ACTN4: variants seen among roughly 807,000 people sequenced by gnomAD.
ACTN4 encodes alpha-actinin-4.
Under a neutral mutation model 114.2 loss-of-function variants are expected in ACTN4, and 18 were observed. The ratio of observed to expected loss-of-function variants is 0.16; its 90% CI spans 0.11 to 0.23. ACTN4 has a LOEUF of 0.23. Ranked by LOEUF, ACTN4 falls within the 10% of genes least tolerant of loss-of-function variation. ACTN4 has a pLI of 1.00. For synonymous variants in ACTN4, 515 were observed against 506.3 expected, an observed-to-expected ratio of 1.02 and a Z score of -0.23; for missense variants, 722 against 1,262.9, an observed-to-expected ratio of 0.57 and a Z score of 6.49.
At chr19:38,713,213 G>A (rs547489227) in intron 8 of ACTN4, among the ~76,000 whole-genome samples, 59 of 152,308 alleles carry the variant, frequency 3.9e-4, no homozygotes, top group African/African-American at 1.2e-3. Flanking sequence ...AAGCGTTCCC[G>A]CCTCGTTCCT....
rs752990623 is a variant in ACTN4 at position 38,704,944 on chromosome 19, C to T, written c.408C>T (p.Asp136=). The change falls in exon 4 of 21, where the codon GAC becomes GAT. Residue 136 remains aspartate (D), a synonymous_variant. Coordinates refer to ENST00000252699, the MANE Select transcript of ACTN4 (RefSeq NM_004924.6). ...CTTCCCTGTGTGCAGAGATTGTGGACGGCAACGCAAAGATGACCCTGGGAA... is the reference window on the plus strand; with the variant it reads ...CTTCCCTGTGTGCAGAGATTGTGGATGGCAACGCAAAGATGACCCTGGGAA... The part of the protein sequence containing the change: ...LVSIGAEEIV[D]GNAKMTLGMI... The T allele has an allele frequency of 1.1e-5, 18 of 1,614,018 alleles. No individual in the cohort carries two copies. Among genetic ancestry groups the T allele is most frequent in the Non-Finnish European group, 1.4e-5 (17 of 1,179,986 alleles).
At chr19:38,689,493 G>T (rs986866117) in intron 1 of ACTN4, among the ~76,000 whole-genome samples, 10 of 152,042 alleles carry the variant, frequency 6.6e-5, no homozygotes, top group South Asian at 2.1e-4. Context: ...TGTATTTTTG[G>T]TTTTTTGTTT....
At chr19:38,700,244 C>T (rs906141866) in intron 1 of ACTN4, among the ~76,000 whole-genome samples, 3 of 152,072 alleles carry the variant, frequency 2.0e-5, no homozygotes, top group Admixed American at 6.6e-5. Flanking sequence ...CGGGCTGAGG[C>T]GCTTTTGTCT....
intron 1 of ACTN4, among the ~76,000 whole-genome samples, chr19:38,693,821 C>G (rs146531999): frequency 5.6e-4 from 85 of 152,304 alleles, no homozygotes; most frequent in African/African-American, 2.0e-3. Context: ...AGAAACTGCT[C>G]TTGGGGCCCC....
intron 4 of ACTN4, 112 bp from the exon 5 acceptor site, chr19:38,705,932 C>G: frequency 1.0e-6 from 1 of 990,002 alleles, no homozygotes; most frequent in Non-Finnish European, 1.6e-6. Context: ...GATATCCTCT[C>G]CCCTTGGGTT....
chr19:38,655,365 G>A (rs1381991457), intron 1 of ACTN4, among the ~76,000 whole-genome samples: 1 of 152,160 alleles, frequency 6.6e-6, no homozygotes, highest in Non-Finnish European at 1.5e-5. Context: ...AGGTGTTAAA[G>A]ACCCACCAGC....
intron 1 of ACTN4, among the ~76,000 whole-genome samples, chr19:38,658,096 A>G (rs2144838433): frequency 6.6e-6 from 1 of 152,226 alleles, no homozygotes; most frequent in Non-Finnish European, 1.5e-5. Flanking sequence ...ACAGGAAAAT[A>G]CCTACAGGCA....
intron 1 of ACTN4, among the ~76,000 whole-genome samples, chr19:38,695,014 A>T (rs1009854748): frequency 2.0e-5 from 3 of 152,178 alleles, no homozygotes; most frequent in Non-Finnish European, 4.4e-5. Flanking sequence ...AGCTGGGACT[A>T]CAGGCGCTCA....
intron 9 of ACTN4, among the ~76,000 whole-genome samples, chr19:38,715,856 C>G (rs1318686764): frequency 6.6e-6 from 1 of 152,230 alleles, no homozygotes; most frequent in African/African-American, 2.4e-5. Context: ...AACCACTTCT[C>G]CAGCTTGTCC....
At chr19:38,670,921 TAAAAA>T (rs543111965) in intron 1 of ACTN4, among the ~76,000 whole-genome samples, 1 of 124,086 alleles carries the variant, frequency 8.1e-6, no homozygotes, top group East Asian at 2.2e-4. Flanking sequence ...TACTCCAACT[TAAAAA>T]AAAAAAAAAA....
intron 9 of ACTN4, 96 bp from the exon 10 acceptor site, chr19:38,716,990 A>G: frequency 5.1e-6 from 7 of 1,373,440 alleles, no homozygotes; most frequent in Non-Finnish European, 7.0e-6. Flanking sequence ...TGGGGCCCTC[A>G]AAGATCCAGA....
chr19:38,690,128 C>T (rs1277990764), intron 1 of ACTN4, among the ~76,000 whole-genome samples: 1 of 152,232 alleles, frequency 6.6e-6, no homozygotes, highest in Non-Finnish European at 1.5e-5. Flanking sequence ...AAACCCCAGG[C>T]ATTTGAGGCG....
chr19:38,709,612 G>A, intron 7 of ACTN4, 136 bp downstream of exon 7: 1 of 782,288 alleles, frequency 1.3e-6, no homozygotes, highest in Non-Finnish European at 2.2e-6. Context: ...CAGCAAGAAG[G>A]GCTGAATGAT....
intron 8 of ACTN4, 92 bp downstream of exon 8, chr19:38,710,434 A>G: frequency 7.2e-7 from 1 of 1,386,436 alleles, no homozygotes; most frequent in Non-Finnish European, 1.0e-6. Flanking sequence ...TTTCTCTTGC[A>G]GACGGCAGTG....
rs115971571 is a variant in ACTN4, at chr19:38,679,528, C to G, written c.163-21072C>G. On this transcript the variant is annotated intron_variant, in intron 1 of 20. Transcript: ENST00000252699. ...ATCAGTGTCTCCCAACACACTCCCC[C>G]CAGACATTACCCATACGTGCTCAAA... 6.9e-3 allele frequency among the ~76,000 whole-genome samples: 1,044 copies of G among 152,070 alleles called. 9 individuals carry two copies. The highest frequency in any genetic ancestry group is 0.021 in the African/African-American group (861 of 41,488).
chr19:38,685,049 G>A (rs536928562), intron 1 of ACTN4, among the ~76,000 whole-genome samples: 20 of 152,200 alleles, frequency 1.3e-4, no homozygotes, highest in Admixed American at 6.5e-4. Context: ...GGGTTCAAGC[G>A]ATTCTCCTGC....
Position 38,724,619 on chromosome 19 carries a change from A to G in ACTN4, c.2010+54A>G. On this transcript the variant is annotated intron_variant, in intron 16 of 20. Coordinates refer to ENST00000252699, the MANE Select transcript of ACTN4 (RefSeq NM_004924.6). The surrounding 1 kb of genome is among the most constrained non-coding windows in gnomAD (Gnocchi z 7.0). ...GAGAAGGTTCCAAGAGAGCTCCCGTAGTGAGGGGGTCCCCGGCCAGCCCAG... is the reference window on the plus strand; with the variant it reads ...GAGAAGGTTCCAAGAGAGCTCCCGTGGTGAGGGGGTCCCCGGCCAGCCCAG... The G allele has an allele frequency of 6.2e-7, 1 of 1,610,478 alleles. No individual in the cohort carries two copies. Among genetic ancestry groups the G allele is most frequent in the South Asian group, 1.1e-5 (1 of 91,072 alleles).
chr19:38,729,086 C>T lies in ACTN4; in HGVS notation c.2509C>T (p.Arg837Trp), dbSNP rs755404040. 1.4e-5 allele frequency: 23 copies of T among 1,613,278 alleles called. No individual in the cohort carries two copies. Among genetic ancestry groups the T allele is most frequent in the Non-Finnish European group, 1.7e-5 (20 of 1,180,006 alleles). ...TFQAFIDFMS[R>W]ETTDTDTADQ... ...CCAAGCCTTCATCGACTTCATGTCG[C>T]GGGAGACCACCGACACGGACACGGC... Residue 837 changes from arginine (R) to tryptophan (W), a missense_variant, in exon 20 of 21, where the codon CGG becomes TGG. Physicochemically the swap from Arg to Trp is moderately radical, Grantham distance 101 (BLOSUM62 -3). Coordinates refer to ENST00000252699, the MANE Select transcript of ACTN4 (RefSeq NM_004924.6).
At chr19:38,719,723 G>A (rs1001337244) in intron 11 of ACTN4, among the ~76,000 whole-genome samples, 3 of 152,220 alleles carry the variant, frequency 2.0e-5, no homozygotes, top group African/African-American at 7.2e-5. Context: ...CCTGGGCGTC[G>A]CCCTGTGGCT....
Sources: gnomAD v4.1 joint callset for allele counts (sites outside exome capture counted in the v4.1 genomes callset) on GRCh38, gnomAD v4.1.1 for gene constraint, Gnocchi (gnomAD v3.1) non-coding constraint, MANE v1.5 for transcripts, NCBI Gene and HGNC (gene_info 2026-07-23, HGNC 2026-07-21) for gene names.